EEF2K: variants seen among roughly 807,000 people sequenced by gnomAD.
The protein encoded by EEF2K is eukaryotic elongation factor 2 kinase, also known as alternative protein EEF2K.
In EEF2K, 70 loss-of-function variants were observed where a neutral mutation model predicts 93.8. That is an observed-to-expected ratio of 0.75 (90% CI 0.62 to 0.91). The LOEUF (loss-of-function observed/expected upper bound fraction) is 0.91. Ranked by LOEUF, EEF2K falls within the 40% of genes least tolerant of loss-of-function variation. The pLI, the probability that EEF2K is intolerant of heterozygous loss-of-function variation, is 0.00. For synonymous variants in EEF2K, 376 were observed against 380.8 expected, an observed-to-expected ratio of 0.99 and a Z score of 0.15; for missense variants, 935 against 972.9, an observed-to-expected ratio of 0.96 and a Z score of 0.52.
chr16:22,256,828 G>C lies in EEF2K; in HGVS notation c.699G>C (p.Glu233Asp). The C allele has an allele frequency of 6.2e-7, 1 of 1,614,216 alleles. No individual in the cohort carries two copies. Among genetic ancestry groups the C allele is most frequent in the Non-Finnish European group, 8.5e-7 (1 of 1,180,046 alleles). The change falls in exon 7 of 18, where the codon GAG becomes GAC. Residue 233 changes from glutamate to aspartate, a missense_variant. Coordinates refer to ENST00000263026, the MANE Select transcript of EEF2K (RefSeq NM_013302.5). ...TCTTCCACCTGGAGCACTACATCGAGGGCAAGTACATCAAGTACAACTCCA... is the reference window on the plus strand; with the variant it reads ...TCTTCCACCTGGAGCACTACATCGACGGCAAGTACATCAAGTACAACTCCA... ...KPLFHLEHYI[E>D]GKYIKYNSNS... is the part of the protein sequence containing the mutation.
chr16:22,234,089 A>ACC (rs200979331), intron 2 of EEF2K, among the ~76,000 whole-genome samples: 1 of 151,064 alleles, frequency 6.6e-6, no homozygotes, highest in Non-Finnish European at 1.5e-5. Context: ...CCACCAGAGG[A>ACC]CCCCCCCCAG....
intron 6 of EEF2K, among the ~76,000 whole-genome samples, chr16:22,252,417 T>TGG (rs2047360506): frequency 2.0e-5 from 3 of 152,156 alleles, no homozygotes. Flanking sequence ...CTTGTTGGAA[T>TGG]GACAAAACCT....
chr16:22,279,582 G>A (rs2047673278), intron 16 of EEF2K, among the ~76,000 whole-genome samples: 1 of 152,064 alleles, frequency 6.6e-6, no homozygotes, highest in South Asian at 2.1e-4. Flanking sequence ...TACTCTTTTA[G>A]TTATTTTAAA....
At chr16:22,223,209 G>T (rs1311639934) in intron 1 of EEF2K, among the ~76,000 whole-genome samples, 1 of 150,568 alleles carries the variant, frequency 6.6e-6, no homozygotes, top group East Asian at 1.9e-4. Flanking sequence ...GAGTGGAATT[G>T]CTGGATCATA....
At chr16:22,220,579 G>A (rs1272270118) in intron 1 of EEF2K, among the ~76,000 whole-genome samples, 1 of 152,148 alleles carries the variant, frequency 6.6e-6, no homozygotes, top group East Asian at 1.9e-4. Flanking sequence ...GAGTAGCTGG[G>A]ACTACAGGCA....
Position 22,212,239 on chromosome 16 carries a change from C to T in EEF2K, c.-77+5560C>T, listed in dbSNP as rs577103811. On this transcript the variant is annotated intron_variant, in intron 1 of 17. Transcript: ENST00000263026. The stretch of plus-strand genomic sequence containing the variant: ...ACAGTGTACTGCAATGATATTTTTA[C>T]GAGCCTTTAGCAGAGCAAATGATGA... Among the ~76,000 whole-genome samples the T allele has an allele frequency of 7.2e-5, 11 of 152,240 alleles. 1 individual carries two copies. The East Asian group carries it at 7.7e-4, about 11-fold the overall frequency.
chr16:22,254,708 C>G (rs1319411864), intron 6 of EEF2K, among the ~76,000 whole-genome samples: 1 of 152,162 alleles, frequency 6.6e-6, no homozygotes, highest in Non-Finnish European at 1.5e-5. Flanking sequence ...CCTATAATTT[C>G]CCATTGCAGG....
At chr16:22,215,869 A>G (rs571633138) in intron 1 of EEF2K, among the ~76,000 whole-genome samples, 1 of 152,248 alleles carries the variant, frequency 6.6e-6, no homozygotes, top group East Asian at 1.9e-4. Flanking sequence ...AGGTTGCAGT[A>G]AGCCGAGATC....
chr16:22,239,029 G>C (rs189379654), intron 2 of EEF2K, among the ~76,000 whole-genome samples: 1 of 151,632 alleles, frequency 6.6e-6, no homozygotes, highest in Non-Finnish European at 1.5e-5. Context: ...CAGCCAGTCA[G>C]TAAGCTGGAA....
At chr16:22,259,084 A>G (rs1005004513) in intron 10 of EEF2K, among the ~76,000 whole-genome samples, 2 of 152,238 alleles carry the variant, frequency 1.3e-5, no homozygotes, top group Non-Finnish European at 2.9e-5. Context: ...TTCACCTGTC[A>G]CAGTTAAATA....
chr16:22,267,363 C>G (rs572033035), intron 15 of EEF2K, among the ~76,000 whole-genome samples: 1 of 151,960 alleles, frequency 6.6e-6, no homozygotes, highest in Admixed American at 6.6e-5. Flanking sequence ...GAGGTTGAGG[C>G]GGGTGGATCA....
chr16:22,278,859 T>C (rs1461130883), intron 16 of EEF2K, among the ~76,000 whole-genome samples: 1 of 151,622 alleles, frequency 6.6e-6, no homozygotes, highest in Non-Finnish European at 1.5e-5. Context: ...GTAGGAGGAG[T>C]TGAGGGTCGA....
At chr16:22,245,129 G>A (rs747562932) in intron 3 of EEF2K, among the ~76,000 whole-genome samples, 14 of 152,050 alleles carry the variant, frequency 9.2e-5, no homozygotes, top group East Asian at 1.9e-4. Flanking sequence ...ATAGCCAAGC[G>A]TGGTGGCTGG....
At chr16:22,237,520 C>T (rs903372250) in intron 2 of EEF2K, among the ~76,000 whole-genome samples, 3 of 151,646 alleles carry the variant, frequency 2.0e-5, no homozygotes, top group South Asian at 4.2e-4. Flanking sequence ...TGCCCATAGG[C>T]CCAGCTACCC....
rs2047607970 is a variant in EEF2K, at chr16:22,273,723, A to G, written c.1862A>G (p.Asp621Gly). Reference sequence around the variant, plus strand: ...ATGATCCTAGTGGCGCGAGCTTTTGACTCTGGCCAGAACCTCAGCCCGGAC... The same window carrying G: ...ATGATCCTAGTGGCGCGAGCTTTTGGCTCTGGCCAGAACCTCAGCCCGGAC... Reference protein sequence around the residue: ...QSMILVARAFDSGQNLSPDRC... With the variant: ...QSMILVARAFGSGQNLSPDRC... Residue 621 changes from aspartate (D) to glycine (G), a missense_variant, in exon 16 of 18, where the codon GAC (aspartate) becomes GGC (glycine). Transcript: ENST00000263026. 2 of 1,613,762 alleles carry G rather than the reference A, an allele frequency of 1.2e-6. No homozygotes were observed. Among genetic ancestry groups the G allele is most frequent in the African/African-American group, 1.3e-5 (1 of 74,884 alleles).
chr16:22,220,072 C>T (rs868431), intron 1 of EEF2K, among the ~76,000 whole-genome samples: 16,333 of 152,230 alleles, frequency 0.11, 1,452 homozygotes, highest in East Asian at 0.51. Context: ...TCCTGAGTGG[C>T]CACGTGACAT....
rs545125515 is a variant in EEF2K, at chr16:22,239,900, C to G, written c.247-4730C>G. On this transcript the variant is annotated intron_variant, in intron 2 of 17. Transcript: ENST00000263026. Reference sequence around the variant, plus strand: ...CAGGCGGATCACAAGGTCAAGAGATCGAGACCATCCTGGCCAACATGGTGA... The same window carrying G: ...CAGGCGGATCACAAGGTCAAGAGATGGAGACCATCCTGGCCAACATGGTGA... Among the ~76,000 whole-genome samples the G allele has an allele frequency of 1.1e-4, 17 of 152,114 alleles. No homozygotes were observed. In the South Asian group the frequency reaches 2.7e-3, roughly 24 times the overall value.
chr16:22,217,075 C>T (rs576232942), intron 1 of EEF2K, among the ~76,000 whole-genome samples: 1 of 147,380 alleles, frequency 6.8e-6, no homozygotes, highest in East Asian at 2.0e-4. Flanking sequence ...ATGGGAGGAT[C>T]ACTTGAGCCT....
At chr16:22,227,002 C>A (rs1383101651) in intron 2 of EEF2K, among the ~76,000 whole-genome samples, 1 of 152,116 alleles carries the variant, frequency 6.6e-6, no homozygotes, top group Non-Finnish European at 1.5e-5. Flanking sequence ...AGTTCTAGAG[C>A]AGCCTGGCCA....
Sources: allele counts gnomAD v4.1 joint callset (sites outside exome capture counted in the v4.1 genomes callset), GRCh38; gene constraint gnomAD v4.1.1; transcripts MANE v1.5; gene names NCBI Gene and HGNC (gene_info 2026-07-23, HGNC 2026-07-21).